Variants in SLC7A1 observed in about 807,000 individuals in gnomAD.
SLC7A1 encodes solute carrier family 7 member 1, also known as high affinity cationic amino acid transporter 1.
A neutral mutation model predicts 53.9 loss-of-function variants in SLC7A1; 10 were observed. That is an observed-to-expected ratio of 0.19 (90% CI 0.11 to 0.31). The LOEUF is 0.31. SLC7A1 is among the 10% of genes least tolerant of loss of function. The pLI is 1.00. For synonymous variants in SLC7A1, 342 were observed against 338.7 expected, an observed-to-expected ratio of 1.01 and a Z score of -0.11; for missense variants, 525 against 827.2, an observed-to-expected ratio of 0.63 and a Z score of 4.48.
In SLC7A1 at chr13:29,556,803, G is replaced by A. The variant is rs1870459449; in HGVS notation, c.-114-2943C>T. Among the ~76,000 whole-genome samples, 5 of 152,234 alleles carry A rather than the reference G, an allele frequency of 3.3e-5. No homozygotes were observed. In the South Asian group the frequency reaches 1.0e-3, roughly 31 times the overall value. Reference sequence around the variant, plus strand: ...CAGACCCAACAGTTTGAGAACCACTGCTTGTAAGGTTGCCCAGTGAAATGA... The same window carrying A: ...CAGACCCAACAGTTTGAGAACCACTACTTGTAAGGTTGCCCAGTGAAATGA... On this transcript the variant is annotated intron_variant, in intron 1 of 12. Transcript: ENST00000380752.
chr13:29,582,577 A>T (rs989586844), intron 1 of SLC7A1, among the ~76,000 whole-genome samples: 6 of 152,238 alleles, frequency 3.9e-5, no homozygotes, highest in African/African-American at 1.4e-4. Context: ...TGGGCAGATC[A>T]GGTCTCCCTG....
intron 1 of SLC7A1, among the ~76,000 whole-genome samples, chr13:29,561,513 G>A (rs1008933598): frequency 2.0e-5 from 3 of 152,148 alleles, no homozygotes; most frequent in African/African-American, 7.2e-5. Flanking sequence ...GTAAAAAGAG[G>A]GGGTTTCTAG....
At position 29,514,206 on chromosome 13, in the gene SLC7A1, A is replaced by G. The variant is rs1460604126; in HGVS notation, c.*274T>C. 2.1e-6 allele frequency: 1 copy of G among 467,790 alleles called. No individual in the cohort carries two copies. The highest frequency in any genetic ancestry group is 3.9e-6 in the Non-Finnish European group (1 of 258,548). The allele number at this position is 467,790 out of a possible 1,614,324, so 29.0% of individuals were successfully genotyped here. The stretch of plus-strand genomic sequence containing the variant: ...CTCGGGGCTGAGCTGGTAGGGGAGG[A>G]ACTGCTTTGTTCAGAGAAGTGAGGA... On this transcript the variant is annotated 3_prime_UTR_variant, in exon 13 of 13. Coordinates refer to ENST00000380752, the MANE Select transcript of SLC7A1 (RefSeq NM_003045.5).
rs533768 is a variant in SLC7A1 at position 29,565,559 on chromosome 13, C to T, written c.-114-11699G>A. On this transcript the variant is annotated intron_variant, in intron 1 of 12. Transcript: ENST00000380752. ...TGACGGTCTTCCTTAAACACACTTA[C>T]ACACTTTGGTCCACACTTGTACACT... Among the ~76,000 whole-genome samples the T allele has an allele frequency of 3.5e-3, 533 of 152,342 alleles. 4 individuals carry two copies. The highest frequency in any genetic ancestry group is 0.012 in the African/African-American group (500 of 41,578).
intron 1 of SLC7A1, among the ~76,000 whole-genome samples, chr13:29,560,014 C>CAT (rs201428074): frequency 6.6e-6 from 1 of 152,130 alleles, no homozygotes; most frequent in African/African-American, 2.4e-5. Context: ...TGCACCCGGA[C>CAT]CTTTTTTTTA....
Position 29,516,222 on chromosome 13 carries a change from T to G in SLC7A1, c.1702A>C (p.Ile568Leu). The change falls in exon 12 of 13, where the codon ATC (isoleucine) becomes CTC (leucine). Residue 568 changes from isoleucine (I) to leucine (L), a missense_variant. Physicochemically the swap from Ile to Leu is conservative, Grantham distance 5 (BLOSUM62 2). Around this residue, in one of 4 missense-constraint regions of SLC7A1, gnomAD observed 8 missense variants for 37.5 expected, o/e 0.21. Transcript: ENST00000380752. Reference sequence around the variant, plus strand: ...TAGACGTTCACGAAGATGCTCAGGATGGGGAGCACTGGCAGGAAGGGAACC... The same window carrying G: ...TAGACGTTCACGAAGATGCTCAGGAGGGGGAGCACTGGCAGGAAGGGAACC... ...FKVPFLPVLP[I>L]LSIFVNVYLM... 2 of 1,613,278 alleles carry G rather than the reference T, an allele frequency of 1.2e-6. No homozygotes were observed. Among genetic ancestry groups the G allele is most frequent in the African/African-American group, 2.7e-5 (2 of 75,032 alleles).
At chr13:29,530,928 CCCT>C (rs1869124361) in intron 4 of SLC7A1, among the ~76,000 whole-genome samples, 1 of 152,056 alleles carries the variant, frequency 6.6e-6, no homozygotes, top group Non-Finnish European at 1.5e-5. Context: ...GCTTCCCAGG[CCCT>C]CCTAGGTGAC....
intron 2 of SLC7A1, among the ~76,000 whole-genome samples, chr13:29,541,028 G>A (rs1341215103): frequency 6.6e-6 from 1 of 152,182 alleles, no homozygotes; most frequent in Non-Finnish European, 1.5e-5. Flanking sequence ...GAAGGGGCAG[G>A]GCTCACACAG....
At chr13:29,516,414 C>T (rs565754225) in intron 11 of SLC7A1, among the ~76,000 whole-genome samples, 168 bp from the exon 12 acceptor site, 3 of 152,250 alleles carry the variant, frequency 2.0e-5, no homozygotes, top group South Asian at 2.1e-4. Flanking sequence ...ACACACAGCC[C>T]GCACCCAAAC....
intron 4 of SLC7A1, 26 bp downstream of exon 4, chr13:29,532,798 G>C: frequency 1.3e-6 from 2 of 1,593,680 alleles, no homozygotes; most frequent in Non-Finnish European, 1.7e-6. Flanking sequence ...ACTCTGACCC[G>C]ATCTCTTTTT....
rs769811276 is a variant in SLC7A1 at position 29,517,645 on chromosome 13, T to C, written c.1438A>G (p.Ile480Val). 2 of 1,614,228 alleles carry C rather than the reference T, an allele frequency of 1.2e-6. No homozygotes were observed. Among genetic ancestry groups the C allele is most frequent in the East Asian group, 4.5e-5 (2 of 44,884 alleles). The change falls in exon 10 of 13, where the codon ATA (isoleucine) becomes GTA (valine). Residue 480 changes from isoleucine (I) to valine (V), a missense_variant. Transcript: ENST00000380752. Reference protein sequence around the residue: ...PEAEMFSLKTILSPKNMEPSK... With the variant: ...PEAEMFSLKTVLSPKNMEPSK... Reference sequence around the variant, plus strand: ...GGCTCCATGTTTTTGGGTGAGAGTATGGTTTTCAAAGAGAACATCTCTGCC... The same window carrying C: ...GGCTCCATGTTTTTGGGTGAGAGTACGGTTTTCAAAGAGAACATCTCTGCC...
At position 29,576,292 on chromosome 13, in the gene SLC7A1, T is replaced by TAAAAAAAAAAAAAAAA. The variant is rs146432104; in HGVS notation, c.-115+19123_-115+19124insTTTTTTTTTTTTTTTT. ...GGGTATCAGTATGAGATCCTGTTTT[T>TAAAAAAAAAAAAAAAA]TAAAAAAAAAAAAAAGGAAAGAAAA... On this transcript the variant is annotated intron_variant, in intron 1 of 12. Transcript: ENST00000380752. Among the ~76,000 whole-genome samples the TAAAAAAAAAAAAAAAA allele has an allele frequency of 2.0e-3, 209 of 106,994 alleles. 12 individuals are homozygous for TAAAAAAAAAAAAAAAA. Among genetic ancestry groups the TAAAAAAAAAAAAAAAA allele is most frequent in the Middle Eastern group, 5.5e-3 (1 of 182 alleles). 70.2% of individuals were successfully genotyped at this position (106,994 alleles called of 152,430 possible).
At chr13:29,517,552 C>T in intron 10 of SLC7A1, 21 bp downstream of exon 10, 3 of 1,580,300 alleles carry the variant, frequency 1.9e-6, no homozygotes. Context: ...AGCAAGGCCC[C>T]AGGGAAGGGC....
intron 1 of SLC7A1, among the ~76,000 whole-genome samples, chr13:29,555,085 G>A (rs1480168397): frequency 2.0e-5 from 3 of 152,126 alleles, no homozygotes; most frequent in South Asian, 2.1e-4. Context: ...TGGGCCGGGC[G>A]CGGTGGCTCA....
At chr13:29,563,763 C>T (rs1403080842) in intron 1 of SLC7A1, among the ~76,000 whole-genome samples, 1 of 152,120 alleles carries the variant, frequency 6.6e-6, no homozygotes, top group Non-Finnish European at 1.5e-5. Context: ...ATACCCATCC[C>T]CACTTTATGG....
At chr13:29,524,980 G>A (rs1201983769) in intron 5 of SLC7A1, among the ~76,000 whole-genome samples, 1 of 152,206 alleles carries the variant, frequency 6.6e-6, no homozygotes. Flanking sequence ...ACGGTGCCCA[G>A]GTTCAGTGTG....
chr13:29,572,991 G>C (rs558779670), intron 1 of SLC7A1, among the ~76,000 whole-genome samples: 3 of 152,184 alleles, frequency 2.0e-5, no homozygotes, highest in African/African-American at 7.2e-5. Flanking sequence ...CAGACAAGTG[G>C]CTGGTAAATA....
At chr13:29,576,292 T>TA (rs146432104) in intron 1 of SLC7A1, among the ~76,000 whole-genome samples, 4 of 107,198 alleles carry the variant, frequency 3.7e-5, no homozygotes, top group African/African-American at 1.4e-4. Flanking sequence ...ATCCTGTTTT[T>TA]TAAAAAAAAA....
chr13:29,562,820 T>C (rs574703851), intron 1 of SLC7A1, among the ~76,000 whole-genome samples: 15 of 152,330 alleles, frequency 9.8e-5, no homozygotes, highest in Middle Eastern at 6.8e-3. Context: ...TACTTACAAA[T>C]GCTAAAGGAA....
Sources: allele counts gnomAD v4.1 joint callset (sites outside exome capture counted in the v4.1 genomes callset), GRCh38; gene constraint gnomAD v4.1.1; regional missense constraint gnomAD v4.1.1; transcripts MANE v1.5; gene names NCBI Gene and HGNC (gene_info 2026-07-23, HGNC 2026-07-21).